The following SCN11A variants were observed in gnomAD, a reference collection of about 807,000 sequenced individuals.
SCN11A encodes the protein sodium channel protein type 11 subunit alpha.
SCN11A carries 122 observed loss-of-function variants against 162.2 expected under a neutral mutation model. That is an observed-to-expected ratio of 0.75 (90% CI 0.65 to 0.87). The LOEUF (loss-of-function observed/expected upper bound fraction) is 0.87. SCN11A is among the 40% of genes least tolerant of loss of function. SCN11A has a pLI of 0.00. For missense variants in SCN11A, 2,015 were observed against 2,181.6 expected, an observed-to-expected ratio of 0.92 and a Z score of 1.52; for synonymous variants, 758 against 751.5, an observed-to-expected ratio of 1.01 and a Z score of -0.14.
At chr3:38,911,876 C>G (rs2065891363) in intron 11 of SCN11A, among the ~76,000 whole-genome samples, 1 of 152,006 alleles carries the variant, frequency 6.6e-6, no homozygotes, top group African/African-American at 2.4e-5. Context: ...TTTCAGAGCC[C>G]TTTCTGGTTC....
At chr3:38,903,794 G>T in intron 16 of SCN11A, 71 bp downstream of exon 16, 1 of 1,211,558 alleles carries the variant, frequency 8.3e-7, no homozygotes, top group South Asian at 1.6e-5. Context: ...TTCACAAAAT[G>T]TTTAGACTTT....
intron 7 of SCN11A, among the ~76,000 whole-genome samples, chr3:38,939,890 T>G (rs1329318820): frequency 2.1e-5 from 3 of 143,400 alleles, no homozygotes; most frequent in Non-Finnish European, 3.0e-5. Flanking sequence ...GCGACAAGAG[T>G]GAAACCCCAT....
intron 2 of SCN11A, among the ~76,000 whole-genome samples, chr3:38,993,560 G>C (rs141713335): frequency 3.3e-4 from 50 of 152,172 alleles, no homozygotes; most frequent in African/African-American, 1.2e-3. Flanking sequence ...CAGGCCAAGA[G>C]GAACTTCTGG....
intron 28 of SCN11A, among the ~76,000 whole-genome samples, chr3:38,856,940 C>T (rs1320752615): frequency 2.6e-5 from 4 of 151,836 alleles, no homozygotes; most frequent in Admixed American, 2.6e-4. Flanking sequence ...TCAAATTAGG[C>T]TAAAATACAC....
intron 29 of SCN11A, among the ~76,000 whole-genome samples, chr3:38,849,053 CA>C (rs1227413950): frequency 6.6e-6 from 1 of 152,152 alleles, no homozygotes; most frequent in East Asian, 1.9e-4. Context: ...TCCACTGGGG[CA>C]AATGCCATAC....
Position 39,044,613 on chromosome 3 carries a change from A to G in SCN11A, c.-404+7248T>C, listed in dbSNP as rs566438825. On this transcript the variant is annotated intron_variant, in intron 1 of 29. Coordinates refer to ENST00000302328, the MANE Select transcript of SCN11A (RefSeq NM_001349253.2). ...AATTAAGAAGGACATTTAAAAATTA[A>G]TTGAAACAAATGAAAACAGAAACAC... Among the ~76,000 whole-genome samples the G allele has an allele frequency of 6.6e-5, 10 of 152,294 alleles. No individual in the cohort carries two copies. The South Asian group carries it at 1.2e-3, about 19-fold the overall frequency.
intron 4 of SCN11A, chr3:38,950,711 G>A: frequency 3.6e-6 from 1 of 275,722 alleles, no homozygotes; most frequent in East Asian, 7.4e-5. Flanking sequence ...GGCTGAGCCG[G>A]CTGAACTGCT....
intron 7 of SCN11A, among the ~76,000 whole-genome samples, chr3:38,940,548 T>A (rs2066425754): frequency 6.6e-6 from 1 of 152,204 alleles, no homozygotes; most frequent in Non-Finnish European, 1.5e-5. Context: ...ACATTTCACA[T>A]CAGAGGATAA....
chr3:38,885,438 A>C (rs1559507550), intron 20 of SCN11A, 36 bp from the exon 21 acceptor site: 1 of 1,127,586 alleles, frequency 8.9e-7, no homozygotes, highest in Admixed American at 1.7e-5. Context: ...GGTGCCTTTT[A>C]CTAAGACCTT....
chr3:38,865,148 C>A (rs1270818744), intron 27 of SCN11A, among the ~76,000 whole-genome samples: 1 of 152,124 alleles, frequency 6.6e-6, no homozygotes, highest in African/African-American at 2.4e-5. Flanking sequence ...CAAGCACATT[C>A]TTAAGTCAAT....
chr3:38,974,704 A>G (rs1304844588), intron 2 of SCN11A, among the ~76,000 whole-genome samples: 1 of 149,936 alleles, frequency 6.7e-6, no homozygotes, highest in East Asian at 1.9e-4. Context: ...CAAAAAAAAA[A>G]AAAAAAAAAG....
intron 2 of SCN11A, among the ~76,000 whole-genome samples, chr3:39,025,326 T>C (rs1364986638): frequency 6.6e-6 from 1 of 152,176 alleles, no homozygotes; most frequent in Admixed American, 6.5e-5. Flanking sequence ...AAGAAAGGGT[T>C]TGGAGCAAGC....
Position 39,026,446 on chromosome 3 carries a change from T to C in SCN11A, c.-280+5934A>G, listed in dbSNP as rs983670353. 1.6e-4 allele frequency among the ~76,000 whole-genome samples: 24 copies of C among 152,210 alleles called. 1 individual carries two copies. The highest frequency in any genetic ancestry group is 5.8e-4 in the African/African-American group (24 of 41,452). On this transcript the variant is annotated intron_variant, in intron 2 of 29. Coordinates refer to ENST00000302328, the MANE Select transcript of SCN11A (RefSeq NM_001349253.2). ...GGAGTTCTCCCTTTTCCCATCATGA[T>C]GAAAACCTTTAAGTCCAACTTCCCA...
At chr3:39,014,030 T>C (rs2031220000) in intron 2 of SCN11A, among the ~76,000 whole-genome samples, 1 of 152,184 alleles carries the variant, frequency 6.6e-6, no homozygotes, top group Non-Finnish European at 1.5e-5. Flanking sequence ...CATTACCCAT[T>C]CCATAATACC....
intron 2 of SCN11A, among the ~76,000 whole-genome samples, chr3:38,966,808 G>C (rs1216728850): frequency 1.3e-5 from 2 of 152,288 alleles, no homozygotes; most frequent in South Asian, 2.1e-4. Context: ...CTTGGCTTCT[G>C]TGAAGCCTTT....
chr3:39,050,925 C>T (rs2032338630), intron 1 of SCN11A, among the ~76,000 whole-genome samples: 1 of 152,194 alleles, frequency 6.6e-6, no homozygotes, highest in African/African-American at 2.4e-5. Context: ...CTATATCCCA[C>T]AGTGTAGTTC....
intron 2 of SCN11A, among the ~76,000 whole-genome samples, chr3:38,996,685 C>T (rs1187198647): frequency 3.3e-5 from 5 of 152,172 alleles, no homozygotes; most frequent in African/African-American, 1.2e-4. Context: ...GCATCTGCAT[C>T]CATAATCACT....
chr3:38,982,057 A>G (rs771272928), intron 2 of SCN11A, among the ~76,000 whole-genome samples: 3 of 152,130 alleles, frequency 2.0e-5, no homozygotes, highest in Non-Finnish European at 2.9e-5. Context: ...AAACAAAAAC[A>G]GACAAACAAA....
At chr3:38,956,994 G>A (rs923883985) in intron 3 of SCN11A, among the ~76,000 whole-genome samples, 1 of 152,076 alleles carries the variant, frequency 6.6e-6, no homozygotes, top group East Asian at 1.9e-4. Context: ...AGCCCAGAAG[G>A]ATTACCATCA....
Sources: gnomAD v4.1 joint callset for allele counts (sites outside exome capture counted in the v4.1 genomes callset) on GRCh38, gnomAD v4.1.1 for gene constraint, MANE v1.5 for transcripts, NCBI Gene and HGNC (gene_info 2026-07-23, HGNC 2026-07-21) for gene names.